The following RTN4 variants were observed in gnomAD, a reference collection of about 807,000 sequenced individuals.
RTN4 encodes reticulon-4.
Under a neutral mutation model 90.4 loss-of-function variants are expected in RTN4, and 32 were observed. The observed-to-expected ratio is 0.35, with a 90% CI of 0.27 to 0.48. The LOEUF is 0.48. Among genes scored for constraint, RTN4 ranks in the 20% least tolerant of loss-of-function variants. The pLI, the probability that RTN4 is intolerant of heterozygous loss-of-function variation, is 0.99. For missense variants in RTN4, 1,706 were observed against 1,430.2 expected, an observed-to-expected ratio of 1.19 and a Z score of -3.11; for synonymous variants, 629 against 552.5, an observed-to-expected ratio of 1.14 and a Z score of -1.94.
At chr2:54,980,752 CT>C (rs1678054019) in intron 5 of RTN4, among the ~76,000 whole-genome samples, 2 of 152,224 alleles carry the variant, frequency 1.3e-5, no homozygotes, top group Non-Finnish European at 2.9e-5. Flanking sequence ...CTCTGAATTA[CT>C]ACTTACAGAC....
At chr2:54,974,038 G>A (rs942653067) in intron 6 of RTN4, 171 bp from the exon 7 acceptor site, 2 of 574,842 alleles carry the variant, frequency 3.5e-6, no homozygotes, top group Non-Finnish European at 6.1e-6. Flanking sequence ...CACTCCAGAG[G>A]AATGAATGAA....
At chr2:54,977,491 G>C (rs1051841084) in intron 5 of RTN4, among the ~76,000 whole-genome samples, 1 of 146,792 alleles carries the variant, frequency 6.8e-6, no homozygotes, top group Non-Finnish European at 1.5e-5. Context: ...AGAAAAGTAA[G>C]AACCTCTGCT....
intron 1 of RTN4, among the ~76,000 whole-genome samples, chr2:55,106,740 G>C (rs148891486): frequency 1.3e-5 from 2 of 151,980 alleles, no homozygotes; most frequent in Non-Finnish European, 2.9e-5. Context: ...GGCTGGTCTC[G>C]AACACCTGAC....
intron 1 of RTN4, among the ~76,000 whole-genome samples, chr2:55,041,784 T>C (rs191144763): frequency 6.6e-6 from 1 of 152,214 alleles, no homozygotes; most frequent in Admixed American, 6.5e-5. Context: ...GGAAAATTTT[T>C]ATGATCCTCA....
intron 5 of RTN4, 94 bp from the exon 6 acceptor site, chr2:54,974,858 C>T (rs1281957341): frequency 1.0e-6 from 1 of 965,672 alleles, no homozygotes; most frequent in Non-Finnish European, 1.7e-6. Context: ...TGCCTACCTA[C>T]AAAAGGCATA....
chr2:55,049,481 G>A, intron 1 of RTN4: 1 of 522,204 alleles, frequency 1.9e-6, no homozygotes, highest in Non-Finnish European at 3.5e-6. Context: ...CGTACGCTGG[G>A]CATCACACAG....
chr2:55,102,418 C>G (rs1191743281), intron 1 of RTN4, among the ~76,000 whole-genome samples: 1 of 152,140 alleles, frequency 6.6e-6, no homozygotes, highest in African/African-American at 2.4e-5. Context: ...TACGGCAAAA[C>G]AGCCATAAAC....
At chr2:55,005,074 C>T (rs575783516) in intron 3 of RTN4, among the ~76,000 whole-genome samples, 1 of 152,122 alleles carries the variant, frequency 6.6e-6, no homozygotes, top group Non-Finnish European at 1.5e-5. Flanking sequence ...TTCAGTGTGG[C>T]TAGCGACAGG....
the RTN4 span, among the ~76,000 whole-genome samples, chr2:55,128,828 T>G: frequency 6.7e-6 from 1 of 149,146 alleles, no homozygotes; most frequent in Admixed American, 6.7e-5. Flanking sequence ...GAGAGAGGGC[T>G]GGGCACGGTG....
intron 2 of RTN4, among the ~76,000 whole-genome samples, chr2:55,078,464 T>A (rs561489082): frequency 6.6e-6 from 1 of 152,378 alleles, no homozygotes; most frequent in East Asian, 1.9e-4. Flanking sequence ...ATTCCAGTTC[T>A]TCTTCTACAT....
intron 3 of RTN4, among the ~76,000 whole-genome samples, chr2:55,022,818 C>T (rs778195673): frequency 5.9e-5 from 9 of 151,574 alleles, no homozygotes; most frequent in Non-Finnish European, 1.3e-4. Flanking sequence ...ACACAGTAGG[C>T]CTTTGCCTGA....
At chr2:54,990,288 A>G (rs1377535915) in intron 3 of RTN4, among the ~76,000 whole-genome samples, 1 of 152,248 alleles carries the variant, frequency 6.6e-6, no homozygotes, top group Non-Finnish European at 1.5e-5. Context: ...ATGTCTCACC[A>G]CAAAAATAAT....
chr2:54,973,847 C>T lies in RTN4; in HGVS notation c.3451G>A (p.Val1151Ile). The stretch of plus-strand genomic sequence containing the variant: ...TGATGCCGTTCATAAATAACAGGAA[C>T]ACTGAAGAGTGAAATGAGAGCTGAA... The part of the protein sequence containing the change: ...LILALISLFS[V>I]PVIYERHQAQ... Residue 1151 changes from valine (V) to isoleucine (I), a missense_variant, in exon 7 of 9, where the codon GTT becomes ATT. Val to Ile is a conservative substitution (Grantham distance 29, BLOSUM62 3). Coordinates refer to ENST00000337526, the MANE Select transcript of RTN4 (RefSeq NM_020532.5). 1 of 1,613,366 alleles carries T rather than the reference C, an allele frequency of 6.2e-7. No homozygotes were observed. Among genetic ancestry groups the T allele is most frequent in the Non-Finnish European group, 8.5e-7 (1 of 1,179,678 alleles).
At chr2:54,977,967 G>A (rs1677779040) in intron 5 of RTN4, among the ~76,000 whole-genome samples, 1 of 152,168 alleles carries the variant, frequency 6.6e-6, no homozygotes, top group Non-Finnish European at 1.5e-5. Flanking sequence ...GTTTATAAAA[G>A]GACTAATGAG....
At chr2:54,989,207 T>G (rs1678816333) in intron 3 of RTN4, among the ~76,000 whole-genome samples, 1 of 152,242 alleles carries the variant, frequency 6.6e-6, no homozygotes, top group Admixed American at 6.5e-5. Context: ...CTGTTTAGGA[T>G]ATTTTAAATG....
chr2:55,085,279 G>T (rs1668815367), intron 1 of RTN4, among the ~76,000 whole-genome samples: 1 of 151,920 alleles, frequency 6.6e-6, no homozygotes, highest in African/African-American at 2.4e-5. Context: ...TGTAATAGGT[G>T]TGTGTGGGGG....
At position 55,026,423 on chromosome 2, in the gene RTN4, C is replaced by G. The variant is rs542048752; in HGVS notation, c.1676G>C (p.Cys559Ser). ...GLTPDLVQEA[C>S]ESELNEVTGT... is the part of the protein sequence containing the mutation. ...AGTAACTTCATTCAATTCACTTTCA[C>G]ATGCTTCCTGTACTAAATCTGGAGT... Residue 559 changes from cysteine to serine, a missense_variant, in exon 3 of 9, where the codon TGT becomes TCT. Transcript: ENST00000337526. 1 of 1,613,944 alleles carries G rather than the reference C, an allele frequency of 6.2e-7. No individual in the cohort carries two copies. The highest frequency in any genetic ancestry group is 1.3e-5 in the African/African-American group (1 of 75,038).
In RTN4 at chr2:54,972,811, T is replaced by C. The variant is rs201468708; in HGVS notation, c.*345A>G. 10 of 197,202 alleles carry C rather than the reference T, an allele frequency of 5.1e-5. No individual in the cohort carries two copies. Among genetic ancestry groups the C allele is most frequent in the South Asian group, 1.8e-4 (1 of 5,612 alleles). 12.2% of individuals were successfully genotyped at this position (197,202 alleles called of 1,614,324 possible). On this transcript the variant is annotated 3_prime_UTR_variant, in exon 9 of 9. Coordinates refer to ENST00000337526, the MANE Select transcript of RTN4 (RefSeq NM_020532.5). ...TGAAAAGGGCTTTTTTTTTTTTTTT[T>C]CTAGCTCCACCATCTCTGCAACTTG...
At chr2:55,108,082 A>G (rs1667975423) in intron 1 of RTN4, among the ~76,000 whole-genome samples, 1 of 151,838 alleles carries the variant, frequency 6.6e-6, no homozygotes, top group African/African-American at 2.4e-5. Flanking sequence ...CAGCCTCTCA[A>G]CTAGCTGGGA....
Sources: allele counts gnomAD v4.1 joint callset (sites outside exome capture counted in the v4.1 genomes callset), GRCh38; gene constraint gnomAD v4.1.1; transcripts MANE v1.5; gene names NCBI Gene and HGNC (gene_info 2026-07-23, HGNC 2026-07-21).